Variants in SLC4A4 observed in about 807,000 individuals in gnomAD.
SLC4A4 encodes the protein solute carrier family 4 member 4.
In SLC4A4, 27 loss-of-function variants were observed where a neutral mutation model predicts 111.5. That is an observed-to-expected ratio of 0.24 (90% CI 0.18 to 0.33). The LOEUF is 0.33. SLC4A4 is among the 10% of genes least tolerant of loss of function. SLC4A4 has a pLI of 1.00. For missense variants in SLC4A4, 909 were observed against 1,315.5 expected (o/e 0.69, Z 4.78); for synonymous variants, 443 against 463.4 (o/e 0.96, Z 0.57).
chr4:71,489,024 A>G (rs1027915773), intron 15 of SLC4A4, among the ~76,000 whole-genome samples: 9 of 137,476 alleles, frequency 6.5e-5, no homozygotes, highest in Admixed American at 7.6e-5. Flanking sequence ...CACATACAAT[A>G]TAGGTAAATG....
At chr4:71,265,103 G>A (rs894260127) in intron 3 of SLC4A4, among the ~76,000 whole-genome samples, 1 of 152,100 alleles carries the variant, frequency 6.6e-6, no homozygotes, top group African/African-American at 2.4e-5. Flanking sequence ...ATTATTTTAT[G>A]ATTCTTTCTG....
At chr4:71,383,908 G>C (rs941664434) in intron 6 of SLC4A4, among the ~76,000 whole-genome samples, 2 of 152,070 alleles carry the variant, frequency 1.3e-5, no homozygotes, top group African/African-American at 4.8e-5. Flanking sequence ...CCGCTCTGTC[G>C]CCTTCCAGTC....
At chr4:71,425,481 A>G (rs1438171189) in intron 7 of SLC4A4, among the ~76,000 whole-genome samples, 5 of 152,276 alleles carry the variant, frequency 3.3e-5, no homozygotes, top group East Asian at 3.9e-4. Flanking sequence ...ACCAAAAAGT[A>G]TCTGAGACAA....
chr4:71,530,831 G>A (rs1335545692), intron 16 of SLC4A4, among the ~76,000 whole-genome samples: 1 of 152,040 alleles, frequency 6.6e-6, no homozygotes, highest in African/African-American at 2.4e-5. Context: ...GAAATCCTTT[G>A]TCTTCAGAGG....
chr4:71,419,344 C>A (rs1433456985), intron 7 of SLC4A4, among the ~76,000 whole-genome samples: 1 of 152,198 alleles, frequency 6.6e-6, no homozygotes, highest in African/African-American at 2.4e-5. Context: ...GTGGTGGGCT[C>A]CACCCAGTTG....
chr4:71,266,226 A>G (rs1722253127), intron 3 of SLC4A4, among the ~76,000 whole-genome samples: 1 of 152,194 alleles, frequency 6.6e-6, no homozygotes, highest in Non-Finnish European at 1.5e-5. Flanking sequence ...GCAATGAACC[A>G]TTCTTTAATT....
chr4:71,559,411 A>G (rs928728748), intron 22 of SLC4A4, among the ~76,000 whole-genome samples: 2 of 151,836 alleles, frequency 1.3e-5, no homozygotes, highest in African/African-American at 4.8e-5. Context: ...CACAGACATT[A>G]AGGACCTTGG....
intron 3 of SLC4A4, among the ~76,000 whole-genome samples, chr4:71,313,874 G>A (rs1343327796): frequency 1.3e-5 from 2 of 152,132 alleles, no homozygotes; most frequent in East Asian, 1.9e-4. Context: ...GATTTCATGA[G>A]TAAAACACTA....
chr4:71,527,826 G>C (rs563071158), intron 16 of SLC4A4, among the ~76,000 whole-genome samples: 4 of 152,154 alleles, frequency 2.6e-5, no homozygotes, highest in South Asian at 4.1e-4. Context: ...GAGTGGTCTA[G>C]CCTAGAAATA....
chr4:71,176,303 C>T (rs1210486352), intron 2 of SLC4A4, among the ~76,000 whole-genome samples: 1 of 152,214 alleles, frequency 6.6e-6, no homozygotes, highest in Non-Finnish European at 1.5e-5. Context: ...CAGCTCCTCA[C>T]TAGCAATGGA....
chr4:71,098,615 A>G (rs1742627051), intron 2 of SLC4A4, among the ~76,000 whole-genome samples: 1 of 152,188 alleles, frequency 6.6e-6, no homozygotes, highest in African/African-American at 2.4e-5. Flanking sequence ...ACATACACCA[A>G]TACTAACCTT....
At chr4:71,172,969 A>G (rs1483119408) in intron 2 of SLC4A4, among the ~76,000 whole-genome samples, 3 of 152,224 alleles carry the variant, frequency 2.0e-5, no homozygotes, top group Non-Finnish European at 4.4e-5. Flanking sequence ...TACTGTCTGT[A>G]CTATGTTTTT....
At chr4:71,179,559 T>G (rs1349262799) in intron 2 of SLC4A4, among the ~76,000 whole-genome samples, 2 of 137,454 alleles carry the variant, frequency 1.5e-5, no homozygotes, top group African/African-American at 7.0e-5. Context: ...TATATACCAA[T>G]AACAGACAGA....
At chr4:71,265,256 G>A (rs894541047) in intron 3 of SLC4A4, among the ~76,000 whole-genome samples, 2 of 152,174 alleles carry the variant, frequency 1.3e-5, no homozygotes, top group African/African-American at 4.8e-5. Context: ...TAGTGACTGA[G>A]TGCGAGTGGG....
intron 2 of SLC4A4, among the ~76,000 whole-genome samples, chr4:71,172,149 G>A (rs1744961483): frequency 6.6e-6 from 1 of 152,136 alleles, no homozygotes; most frequent in South Asian, 2.1e-4. Flanking sequence ...ACACTTAGAT[G>A]AAAGCTTGAG....
At chr4:71,386,792 C>T (rs1431121094) in intron 6 of SLC4A4, among the ~76,000 whole-genome samples, 1 of 151,998 alleles carries the variant, frequency 6.6e-6, no homozygotes, top group Non-Finnish European at 1.5e-5. Flanking sequence ...ATTCTTTTGC[C>T]TGCTTTTTTC....
chr4:71,309,842 T>C (rs1725995963), intron 3 of SLC4A4, among the ~76,000 whole-genome samples: 2 of 151,962 alleles, frequency 1.3e-5, no homozygotes, highest in South Asian at 2.1e-4. Flanking sequence ...TTTGATGAAT[T>C]GACAGAAGTA....
rs143417511 is a variant in SLC4A4 at position 71,300,503 on chromosome 4, G to A, written c.254-38867G>A. Reference sequence around the variant, plus strand: ...TCTGCCCATGCTGACAAGCCTTCCAGGAGGCCTGGGCCGGGGCCACTAGCG... The same window carrying A: ...TCTGCCCATGCTGACAAGCCTTCCAAGAGGCCTGGGCCGGGGCCACTAGCG... On this transcript the variant is annotated intron_variant, in intron 3 of 25. Transcript: ENST00000264485. The A allele has an allele frequency of 8.6e-3, 2,133 of 248,164 alleles. 15 individuals carry two copies. Among genetic ancestry groups the A allele is most frequent in the Non-Finnish European group, 0.012 (1,475 of 120,492 alleles). 15.4% of individuals were successfully genotyped at this position (248,164 alleles called of 1,614,324 possible).
At chr4:71,248,301 C>T (rs1278802908) in intron 2 of SLC4A4, among the ~76,000 whole-genome samples, 1 of 151,850 alleles carries the variant, frequency 6.6e-6, no homozygotes, top group African/African-American at 2.4e-5. Context: ...TATGCAGCAC[C>T]TTTGTGTACC....
Sources: allele counts gnomAD v4.1 joint callset (sites outside exome capture counted in the v4.1 genomes callset), GRCh38; gene constraint gnomAD v4.1.1; transcripts MANE v1.5; gene names NCBI Gene and HGNC (gene_info 2026-07-23, HGNC 2026-07-21).